FHIT: variants seen among roughly 807,000 people sequenced by gnomAD.
FHIT encodes bis(5'-adenosyl)-triphosphatase.
A neutral mutation model predicts 17.9 loss-of-function variants in FHIT; 19 were observed. The ratio of observed to expected loss-of-function variants is 1.06; its 90% confidence interval spans 0.74 to 1.56. The LOEUF (loss-of-function observed/expected upper bound fraction) is 1.56, where lower values mean the gene tolerates loss of function less well. FHIT is among the 40% of genes most tolerant of loss of function. The pLI, the probability that FHIT is intolerant of heterozygous loss-of-function variation, is 0.00. For missense variants in FHIT, 248 were observed against 189.2 expected, an observed-to-expected ratio of 1.31 and a Z score of -1.82; for synonymous variants, 81 against 69.7, an observed-to-expected ratio of 1.16 and a Z score of -0.81.
chr3:60,681,708 T>A (rs542296366), intron 4 of FHIT, among the ~76,000 whole-genome samples: 17 of 152,234 alleles, frequency 1.1e-4, no homozygotes, highest in African/African-American at 4.1e-4. Flanking sequence ...GGATAGAAGA[T>A]CAAACTAGCC....
intron 5 of FHIT, among the ~76,000 whole-genome samples, chr3:60,532,948 C>G (rs1040215948): frequency 7.0e-6 from 1 of 143,528 alleles, no homozygotes; most frequent in Non-Finnish European, 1.5e-5. Flanking sequence ...CAAAGGGCAC[C>G]TGAATGCCAT....
At chr3:60,426,853 G>C (rs1247054828) in intron 5 of FHIT, among the ~76,000 whole-genome samples, 2 of 152,088 alleles carry the variant, frequency 1.3e-5, no homozygotes, top group Non-Finnish European at 2.9e-5. Context: ...TTGGTCAGCA[G>C]ACTTCTGAGA....
At chr3:60,204,116 G>C (rs1366850676) in intron 5 of FHIT, among the ~76,000 whole-genome samples, 1 of 152,122 alleles carries the variant, frequency 6.6e-6, no homozygotes, top group East Asian at 1.9e-4. Context: ...AAAATGCTTA[G>C]GGAGATGGAT....
At position 60,062,643 on chromosome 3, in the gene FHIT, A is replaced by G. The variant is rs546267611; in HGVS notation, c.104-48491T>C. ...AGAAGGCATTCTTCTGTTAATCCTT[A>G]CACCAGAATGCCAGCTAATTAAAAC... On this transcript the variant is annotated intron_variant, in intron 5 of 9. Coordinates refer to ENST00000492590, the MANE Select transcript of FHIT (RefSeq NM_002012.4). Among the ~76,000 whole-genome samples the G allele has an allele frequency of 7.9e-4, 121 of 152,304 alleles. 1 individual carries two copies. The highest frequency in any genetic ancestry group is 1.5e-3 in the Non-Finnish European group (99 of 68,022).
intron 5 of FHIT, among the ~76,000 whole-genome samples, chr3:60,173,565 G>A (rs990164571): frequency 1.3e-5 from 2 of 152,134 alleles, no homozygotes; most frequent in Admixed American, 1.3e-4. Flanking sequence ...CAGGACACAG[G>A]ATGACAAATG....
chr3:60,070,030 C>T (rs370150494), intron 5 of FHIT, among the ~76,000 whole-genome samples: 4 of 152,236 alleles, frequency 2.6e-5, no homozygotes, highest in East Asian at 1.9e-4. Flanking sequence ...GTATAGGGAT[C>T]CCCCCTACAT....
chr3:59,826,638 C>A (rs996999743), intron 8 of FHIT, among the ~76,000 whole-genome samples: 1 of 152,238 alleles, frequency 6.6e-6, no homozygotes, highest in East Asian at 1.9e-4. Context: ...GTAGGAGACA[C>A]AATGTGCGCG....
chr3:61,063,392 A>C (rs895133943), intron 2 of FHIT, among the ~76,000 whole-genome samples: 4 of 152,190 alleles, frequency 2.6e-5, no homozygotes, highest in Non-Finnish European at 5.9e-5. Context: ...GCCGGGGCTC[A>C]AACCACTTAT....
intron 5 of FHIT, among the ~76,000 whole-genome samples, chr3:60,274,888 T>C (rs1026799239): frequency 1.3e-5 from 2 of 152,188 alleles, no homozygotes; most frequent in Admixed American, 6.5e-5. Context: ...AATAGGAAGT[T>C]CTATAACTTT....
chr3:60,340,173 T>C (rs986934910), intron 5 of FHIT, among the ~76,000 whole-genome samples: 13 of 152,178 alleles, frequency 8.5e-5, no homozygotes, highest in African/African-American at 2.9e-4. Flanking sequence ...TTGCTGTATT[T>C]TAATGCAGCA....
chr3:60,125,779 T>C (rs186303929), intron 5 of FHIT, among the ~76,000 whole-genome samples: 1 of 152,234 alleles, frequency 6.6e-6, no homozygotes, highest in East Asian at 1.9e-4. Context: ...CATTTGGCTT[T>C]ATTCATTGTT....
intron 5 of FHIT, among the ~76,000 whole-genome samples, chr3:60,441,333 G>A (rs1157677464): frequency 7.9e-5 from 12 of 151,948 alleles, no homozygotes; most frequent in Admixed American, 7.9e-4. Context: ...TTCTAAAAAT[G>A]TCTAGCAATA....
intron 4 of FHIT, among the ~76,000 whole-genome samples, chr3:60,701,427 C>A (rs150030712): frequency 1.2e-4 from 19 of 152,070 alleles, no homozygotes; most frequent in African/African-American, 3.1e-4. Flanking sequence ...CAGTCTCCCC[C>A]CCAAACTCAG....
chr3:59,890,742 T>A (rs1049894906), intron 8 of FHIT, among the ~76,000 whole-genome samples: 1 of 152,170 alleles, frequency 6.6e-6, no homozygotes, highest in African/African-American at 2.4e-5. Context: ...TCAAAGTACT[T>A]TGGAAATGCT....
At chr3:60,674,839 T>C (rs1238219682) in intron 4 of FHIT, among the ~76,000 whole-genome samples, 2 of 152,182 alleles carry the variant, frequency 1.3e-5, no homozygotes, top group African/African-American at 2.4e-5. Context: ...TGCTTATACA[T>C]AGTCAATCCT....
intron 3 of FHIT, among the ~76,000 whole-genome samples, chr3:60,981,951 T>A (rs1710515270): frequency 6.6e-6 from 1 of 152,090 alleles, no homozygotes; most frequent in African/African-American, 2.4e-5. Context: ...CTACAAAACA[T>A]CCCTCGAGTC....
intron 7 of FHIT, among the ~76,000 whole-genome samples, chr3:59,962,056 C>G (rs1049062813): frequency 6.6e-6 from 1 of 152,172 alleles, no homozygotes; most frequent in Non-Finnish European, 1.5e-5. Flanking sequence ...GAAAACAATT[C>G]ATTTCGATTA....
intron 2 of FHIT, among the ~76,000 whole-genome samples, chr3:61,131,883 T>C (rs1465227354): frequency 6.6e-6 from 1 of 152,134 alleles, no homozygotes; most frequent in Non-Finnish European, 1.5e-5. Context: ...GGCCAACAGA[T>C]GCCCAGGGTA....
intron 4 of FHIT, among the ~76,000 whole-genome samples, chr3:60,680,192 C>A (rs936065342): frequency 1.3e-5 from 2 of 152,146 alleles, no homozygotes; most frequent in South Asian, 2.1e-4. Flanking sequence ...TGCTTTACAA[C>A]CTCTCCAACA....
Sources: allele counts gnomAD v4.1 joint callset (sites outside exome capture counted in the v4.1 genomes callset), GRCh38; gene constraint gnomAD v4.1.1; transcripts MANE v1.5; gene names NCBI Gene and HGNC (gene_info 2026-07-23, HGNC 2026-07-21).